Variants in TBC1D22A observed in about 807,000 individuals in gnomAD.
TBC1D22A encodes TBC1 domain family member 22A.
TBC1D22A carries 38 observed loss-of-function variants against 60.2 expected under a neutral mutation model. The observed-to-expected ratio is 0.63, with a 90% CI of 0.49 to 0.83. The LOEUF (loss-of-function observed/expected upper bound fraction) is 0.83, where lower values mean the gene tolerates loss of function less well. Among genes scored for constraint, TBC1D22A ranks in the 40% least tolerant of loss-of-function variants. TBC1D22A has a pLI of 0.00. For synonymous variants in TBC1D22A, 302 were observed against 281.7 expected (o/e 1.07, Z -0.72); for missense variants, 628 against 701.0 (o/e 0.90, Z 1.18).
At chr22:46,978,769 C>T (rs909798468) in intron 9 of TBC1D22A, among the ~76,000 whole-genome samples, 5 of 152,066 alleles carry the variant, frequency 3.3e-5, no homozygotes, top group Non-Finnish European at 4.4e-5. Context: ...CCACCATGCC[C>T]GGGTAATTTT....
chr22:47,005,329 A>G (rs1444233070), intron 10 of TBC1D22A, among the ~76,000 whole-genome samples: 3 of 151,186 alleles, frequency 2.0e-5, no homozygotes, highest in Non-Finnish European at 4.4e-5. Flanking sequence ...ACACATGCCT[A>G]TACACCTACA....
At chr22:47,153,572 G>T (rs182462004) in intron 12 of TBC1D22A, among the ~76,000 whole-genome samples, 14 of 152,182 alleles carry the variant, frequency 9.2e-5, no homozygotes, top group African/African-American at 3.4e-4. Context: ...CCATGCAGGT[G>T]GACGGGCAAG....
Position 47,125,922 on chromosome 22 carries a change from G to A in TBC1D22A, c.1425+14319G>A, listed in dbSNP as rs180683025. ...GGTGTCCAGATAGTCAGTTGCCAGA[G>A]GGCAGTGCCCACTCAGAGCACGTGG... On this transcript the variant is annotated intron_variant, in intron 12 of 12. Transcript: ENST00000337137. Among the ~76,000 whole-genome samples, 1,072 of 152,350 alleles carry A rather than the reference G, an allele frequency of 7.0e-3. 17 individuals are homozygous for A. The highest frequency in any genetic ancestry group is 0.022 in the African/African-American group (932 of 41,582).
chr22:47,054,529 C>G (rs1473244708), intron 11 of TBC1D22A, among the ~76,000 whole-genome samples: 1 of 152,222 alleles, frequency 6.6e-6, no homozygotes, highest in African/African-American at 2.4e-5. Context: ...TTTCTGTGGC[C>G]TCGCCATGTC....
At chr22:46,827,493 C>G (rs1200915399) in intron 4 of TBC1D22A, among the ~76,000 whole-genome samples, 9 of 152,224 alleles carry the variant, frequency 5.9e-5, no homozygotes, top group African/African-American at 2.2e-4. Context: ...GCTTTCCTTT[C>G]TCACGGACTT....
chr22:47,029,602 A>T (rs1603070896), intron 10 of TBC1D22A, among the ~76,000 whole-genome samples: 1 of 152,074 alleles, frequency 6.6e-6, no homozygotes, highest in Admixed American at 6.5e-5. Context: ...GAAGGAGAAG[A>T]CCTGCCGGCA....
chr22:46,837,067 G>T (rs540936041), intron 4 of TBC1D22A, among the ~76,000 whole-genome samples: 1 of 151,692 alleles, frequency 6.6e-6, no homozygotes, highest in Non-Finnish European at 1.5e-5. Context: ...TGATGTTAAC[G>T]TGAACTATGA....
intron 8 of TBC1D22A, among the ~76,000 whole-genome samples, chr22:46,966,509 C>T (rs891979750): frequency 1.3e-5 from 2 of 152,232 alleles, no homozygotes; most frequent in Non-Finnish European, 1.5e-5. Flanking sequence ...GAAGAAATCA[C>T]TGTTTCAACA....
At chr22:47,019,511 C>G (rs774910637) in intron 10 of TBC1D22A, among the ~76,000 whole-genome samples, 2 of 152,024 alleles carry the variant, frequency 1.3e-5, no homozygotes, top group South Asian at 2.1e-4. Context: ...GTTGGGACAT[C>G]GGTGCTGAGT....
At chr22:46,961,735 G>A (rs147440549) in intron 8 of TBC1D22A, among the ~76,000 whole-genome samples, 1 of 152,206 alleles carries the variant, frequency 6.6e-6, no homozygotes, top group Non-Finnish European at 1.5e-5. Context: ...ACGGGGGCAC[G>A]GATGGCTCTG....
At chr22:47,115,593 G>T (rs1013133990) in intron 12 of TBC1D22A, among the ~76,000 whole-genome samples, 3 of 152,200 alleles carry the variant, frequency 2.0e-5, no homozygotes, top group Non-Finnish European at 4.4e-5. Flanking sequence ...CCCTCTGTGG[G>T]TCATTTCACA....
At chr22:46,975,407 C>T (rs2074256079) in intron 9 of TBC1D22A, among the ~76,000 whole-genome samples, 1 of 152,120 alleles carries the variant, frequency 6.6e-6, no homozygotes, top group Admixed American at 6.5e-5. Context: ...GGTCAAAGCC[C>T]AGAGCGCGGT....
intron 12 of TBC1D22A, among the ~76,000 whole-genome samples, chr22:47,159,624 C>T (rs1335168425): frequency 1.3e-5 from 2 of 152,008 alleles, no homozygotes; most frequent in Non-Finnish European, 2.9e-5. Flanking sequence ...ACTATACACA[C>T]ACACCACACA....
At chr22:47,105,756 C>T (rs533073688) in intron 11 of TBC1D22A, among the ~76,000 whole-genome samples, 6 of 151,808 alleles carry the variant, frequency 4.0e-5, no homozygotes, top group African/African-American at 1.2e-4. Context: ...AGGTTTCCCA[C>T]CCCCCCACTC....
chr22:46,909,711 TG>T (rs957098362), intron 7 of TBC1D22A, among the ~76,000 whole-genome samples: 2 of 152,178 alleles, frequency 1.3e-5, no homozygotes, highest in African/African-American at 2.4e-5. Flanking sequence ...CTGACCCTTT[TG>T]GGGGCTCAGA....
chr22:46,982,296 A>G (rs1308310911), intron 9 of TBC1D22A, among the ~76,000 whole-genome samples: 1 of 148,390 alleles, frequency 6.7e-6, no homozygotes, highest in Non-Finnish European at 1.5e-5. Flanking sequence ...TGATCTTGGC[A>G]CACTGCAACC....
At chr22:47,154,518 G>C (rs2067635770) in intron 12 of TBC1D22A, among the ~76,000 whole-genome samples, 1 of 152,170 alleles carries the variant, frequency 6.6e-6, no homozygotes, top group Non-Finnish European at 1.5e-5. Flanking sequence ...GCAATGTGCA[G>C]ACACTGTCCA....
chr22:46,967,405 C>T (rs564619894), intron 8 of TBC1D22A, among the ~76,000 whole-genome samples: 1 of 152,310 alleles, frequency 6.6e-6, no homozygotes, highest in Admixed American at 6.5e-5. Flanking sequence ...TTGGGAAATG[C>T]AAAAGATTAG....
intron 4 of TBC1D22A, among the ~76,000 whole-genome samples, chr22:46,827,918 T>C (rs111302773): frequency 9.3e-4 from 142 of 152,352 alleles, no homozygotes; most frequent in African/African-American, 3.2e-3. Context: ...TTTGTGCGGA[T>C]ATATGGCATG....
Sources: allele counts gnomAD v4.1 joint callset (sites outside exome capture counted in the v4.1 genomes callset), GRCh38; gene constraint gnomAD v4.1.1; transcripts MANE v1.5; gene names NCBI Gene and HGNC (gene_info 2026-07-23, HGNC 2026-07-21).